The following TBC1D9B variants were observed in gnomAD, a reference collection of about 807,000 sequenced individuals.
TBC1D9B encodes TBC1 domain family, member 9B (with GRAM domain).
A neutral mutation model predicts 121.1 loss-of-function variants in TBC1D9B; 87 were observed. The ratio of observed to expected loss-of-function variants is 0.72; its 90% confidence interval spans 0.60 to 0.86. The LOEUF is 0.86. TBC1D9B is among the 40% of genes least tolerant of loss of function. The probability of loss-of-function intolerance (pLI) is 0.00; values close to 1 mark genes in which losing one functional copy is unlikely to be tolerated. For missense variants in TBC1D9B, 1,540 were observed against 1,628.6 expected (o/e 0.95, Z 0.94); for synonymous variants, 668 against 670.1 (o/e 1.00, Z 0.05).
At chr5:179,871,613 G>T in intron 14 of TBC1D9B, 83 bp from the exon 15 acceptor site, 1 of 1,452,008 alleles carries the variant, frequency 6.9e-7, no homozygotes, top group Admixed American at 1.8e-5. Context: ...AGCATCCTCG[G>T]CAGACAAGGG....
intron 18 of TBC1D9B, chr5:179,866,243 CTCTGGGGAATGTTCCTGCTAGAA>C: frequency 6.2e-6 from 1 of 161,886 alleles, no homozygotes; most frequent in South Asian, 1.1e-4. Flanking sequence ...CCTGCTAGAA[CTCTGGGGAATGTTCCTGCTAGAA>C]CTCAGGGGAA....
intron 15 of TBC1D9B, 150 bp from the exon 16 acceptor site, chr5:179,870,645 G>T: frequency 8.2e-7 from 1 of 1,218,148 alleles, no homozygotes; most frequent in Non-Finnish European, 1.1e-6. Context: ...AGCACCTCCC[G>T]AAAGCTCTCA....
chr5:179,875,723 A>G lies in TBC1D9B; in HGVS notation c.1900+197T>C, dbSNP rs1441215643. On this transcript the variant is annotated intron_variant, in intron 11 of 20. Coordinates refer to ENST00000355235, the MANE Select transcript of TBC1D9B (RefSeq NM_015043.4). This position sits in a 1 kb window ranked among gnomAD's most constrained non-coding sequence, Gnocchi z 4.5. ...TGATGTTTGAAATTTTCCATAATCA[A>G]AAAGTTGACAGGAAGTTAGATGGAT... Among the ~76,000 whole-genome samples, 1 of 152,220 alleles carries G rather than the reference A, an allele frequency of 6.6e-6. No individual in the cohort carries two copies. Among genetic ancestry groups the G allele is most frequent in the Admixed American group, 6.5e-5 (1 of 15,282 alleles).
In TBC1D9B at chr5:179,862,273, G is replaced by C. The variant is rs1273113228; in HGVS notation, c.*1175C>G. ...CCCTGTGGATAAGGGGGTAACTGCTGTATCTTTTAGTAGAAGCAAGAGCAG... is the reference window on the plus strand; with the variant it reads ...CCCTGTGGATAAGGGGGTAACTGCTCTATCTTTTAGTAGAAGCAAGAGCAG... On this transcript the variant is annotated 3_prime_UTR_variant, in exon 21 of 21. Transcript: ENST00000355235. 2.3e-5 allele frequency: 6 copies of C among 265,758 alleles called. No homozygotes were observed. The highest frequency in any genetic ancestry group is 1.1e-4 in the South Asian group (3 of 26,528). 16.5% of individuals were successfully genotyped at this position (265,758 alleles called of 1,614,324 possible).
At position 179,878,494 on chromosome 5, in the gene TBC1D9B, C is replaced by T. The variant is rs754434902; in HGVS notation, c.1597G>A (p.Gly533Arg). 18 of 1,609,056 alleles carry T rather than the reference C, an allele frequency of 1.1e-5. No homozygotes were observed. The highest frequency in any genetic ancestry group is 2.2e-5 in the East Asian group (1 of 44,784). Reference protein sequence around the residue: ...GAWNEMVTHPGYYAELVEKST... With the variant: ...GAWNEMVTHPRYYAELVEKST... Reference sequence around the variant, plus strand: ...TTCTCCACCAGCTCAGCATAGTACCCGGGGTGAGTCACCATCTCATTCCAG... The same window carrying T: ...TTCTCCACCAGCTCAGCATAGTACCTGGGGTGAGTCACCATCTCATTCCAG... The change falls in exon 10 of 21, where the codon GGG becomes AGG. Residue 533 changes from glycine to arginine, a missense_variant. Transcript: ENST00000355235.
At chr5:179,893,116 C>T in intron 5 of TBC1D9B, 93 bp downstream of exon 5, 1 of 1,490,130 alleles carries the variant, frequency 6.7e-7, no homozygotes, top group Non-Finnish European at 8.9e-7. Flanking sequence ...TGGACACCTT[C>T]TCCAGGTCTA....
At position 179,870,787 on chromosome 5, in the gene TBC1D9B, G is replaced by A. The variant is rs542776719; in HGVS notation, c.2485-292C>T. 275 of 425,306 alleles carry A rather than the reference G, an allele frequency of 6.5e-4. 1 individual carries two copies. The highest frequency in any genetic ancestry group is 1.4e-3 in the South Asian group (42 of 29,844). 26.3% of individuals were successfully genotyped at this position (425,306 alleles called of 1,614,324 possible). On this transcript the variant is annotated intron_variant, in intron 15 of 20. Transcript: ENST00000355235. ...CTGAGCCTTCCTGGCAGGGCTCCAG[G>A]GAAACAAGAGGCCTGAGGCTTGCTC...
Position 179,865,633 on chromosome 5 carries a change from GC to G in TBC1D9B, c.2914+204del. On this transcript the variant is annotated intron_variant, in intron 19 of 20. Coordinates refer to ENST00000355235, the MANE Select transcript of TBC1D9B (RefSeq NM_015043.4). The surrounding 1 kb of genome is among the most constrained non-coding windows in gnomAD (Gnocchi z 5.1). ...TCACAGGGCAGCTGGAGAGAAGCTG[GC>G]AAGAGAGGGCTGGCTGGGTGCCCGT... 1.6e-6 allele frequency: 1 copy of G among 636,958 alleles called. No homozygotes were observed. Among genetic ancestry groups the G allele is most frequent in the Non-Finnish European group, 2.7e-6 (1 of 367,880 alleles). 39.5% of individuals were successfully genotyped at this position (636,958 alleles called of 1,614,324 possible). A position where few individuals can be genotyped will look rare whatever the true frequency, so the allele number is the denominator to read the frequency against.
intron 7 of TBC1D9B, among the ~76,000 whole-genome samples, chr5:179,881,209 G>C (rs1002293625): frequency 6.6e-6 from 1 of 152,332 alleles, no homozygotes; most frequent in South Asian, 2.1e-4. Flanking sequence ...CTGGCCTCAG[G>C]TGGGTGCTCA....
chr5:179,876,163 A>G, intron 10 of TBC1D9B, 126 bp from the exon 11 acceptor site: 1 of 677,696 alleles, frequency 1.5e-6, no homozygotes, highest in African/African-American at 1.9e-5. Flanking sequence ...TGTTGTTGTT[A>G]TTTTTATTAT....
chr5:179,899,469 A>G (rs1388906946), intron 2 of TBC1D9B, among the ~76,000 whole-genome samples, 162 bp from the exon 3 acceptor site: 1 of 152,206 alleles, frequency 6.6e-6, no homozygotes, highest in Non-Finnish European at 1.5e-5. Flanking sequence ...TATGTGCATA[A>G]CAAAGTAATA....
chr5:179,869,908 C>A, intron 16 of TBC1D9B, 74 bp from the exon 17 acceptor site: 3 of 1,394,190 alleles, frequency 2.2e-6, no homozygotes, highest in Non-Finnish European at 2.9e-6. Context: ...CCGAGTAGGA[C>A]CCTCTTCACA....
At chr5:179,867,024 C>T (rs1412543911) in intron 18 of TBC1D9B, 1 of 189,962 alleles carries the variant, frequency 5.3e-6, no homozygotes, top group African/African-American at 2.3e-5. Context: ...AACAGGCACT[C>T]AACATGCGTG....
At position 179,891,879 on chromosome 5, in the gene TBC1D9B, C is replaced by T. The variant is rs560664142; in HGVS notation, c.837-293G>A. Among the ~76,000 whole-genome samples the T allele has an allele frequency of 2.6e-5, 4 of 152,302 alleles. No individual in the cohort carries two copies. The East Asian group carries it at 7.7e-4, about 29-fold the overall frequency. On this transcript the variant is annotated intron_variant, in intron 5 of 20. Transcript: ENST00000355235. The surrounding 1 kb of genome is among the most constrained non-coding windows in gnomAD (Gnocchi z 4.3). ...CCTAGATGCTGGCCTGGGCAATGTG[C>T]AACCCATCCCTCGGTACTGATGGGC...
In TBC1D9B at chr5:179,878,448, A is replaced by C; in HGVS notation, c.1643T>G (p.Leu548Arg). The C allele has an allele frequency of 6.2e-7, 1 of 1,613,060 alleles. No homozygotes were observed. The highest frequency in any genetic ancestry group is 8.5e-7 in the Non-Finnish European group (1 of 1,179,622). ...LVEKSTGKYSLATEEIERDLH... is the reference protein window; with the variant it reads ...LVEKSTGKYSRATEEIERDLH... ...GTCTCGCTCGATCTCCTCTGTGGCC[A>C]GGCTGTACTTCCCGGTGGACTTCTC... The change falls in exon 10 of 21, where the codon CTG becomes CGG. Residue 548 changes from leucine (L) to arginine (R), a missense_variant. Coordinates refer to ENST00000355235, the MANE Select transcript of TBC1D9B (RefSeq NM_015043.4).
intron 5 of TBC1D9B, among the ~76,000 whole-genome samples, 199 bp downstream of exon 5, chr5:179,893,010 A>G (rs1380770546): frequency 6.6e-6 from 1 of 152,226 alleles, no homozygotes; most frequent in East Asian, 1.9e-4. Flanking sequence ...TATCCTCAGG[A>G]CATCACTGCT....
intron 3 of TBC1D9B, among the ~76,000 whole-genome samples, chr5:179,895,415 GCTTCT>G (rs1760991799): frequency 6.6e-6 from 1 of 152,078 alleles, no homozygotes; most frequent in Non-Finnish European, 1.5e-5. Context: ...TCTGTAAAGC[GCTTCT>G]CTTATCACAT....
At chr5:179,889,320 G>A (rs958135854) in intron 6 of TBC1D9B, among the ~76,000 whole-genome samples, 2 of 152,066 alleles carry the variant, frequency 1.3e-5, no homozygotes, top group African/African-American at 2.4e-5. Context: ...GAGCCACCGC[G>A]CCCAGTCTGA....
In TBC1D9B at chr5:179,891,627, G is replaced by C; in HGVS notation, c.837-41C>G. 6.2e-7 allele frequency: 1 copy of C among 1,601,758 alleles called. No homozygotes were observed. The highest frequency in any genetic ancestry group is 8.5e-7 in the Non-Finnish European group (1 of 1,174,848). Reference sequence around the variant, plus strand: ...AGGAGGACAGGAGGAAAGGGGACAAGGTCAGGACCAGCACACTCTCAAGGA... The same window carrying C: ...AGGAGGACAGGAGGAAAGGGGACAACGTCAGGACCAGCACACTCTCAAGGA... On this transcript the variant is annotated intron_variant, in intron 5 of 20. Coordinates refer to ENST00000355235, the MANE Select transcript of TBC1D9B (RefSeq NM_015043.4). This position sits in a 1 kb window ranked among gnomAD's most constrained non-coding sequence, Gnocchi z 4.3.
Sources: allele counts gnomAD v4.1 joint callset (sites outside exome capture counted in the v4.1 genomes callset), GRCh38; gene constraint gnomAD v4.1.1; non-coding constraint Gnocchi (gnomAD v3.1); transcripts MANE v1.5; gene names NCBI Gene and HGNC (gene_info 2026-07-23, HGNC 2026-07-21).